Variants in ZNF254 observed in about 807,000 individuals in gnomAD.
The protein encoded by ZNF254 is zinc finger protein 254.
ZNF254 carries 10 observed loss-of-function variants against 12.4 expected under a neutral mutation model. That is an observed-to-expected ratio of 0.80 (90% CI 0.50 to 1.36). ZNF254 has a LOEUF of 1.36. Among genes scored for constraint, ZNF254 ranks in the 40% most tolerant of loss-of-function variants. The probability of loss-of-function intolerance (pLI) is 0.00; values close to 1 mark genes in which losing one functional copy is unlikely to be tolerated. For missense variants in ZNF254, 996 were observed against 763.9 expected, an observed-to-expected ratio of 1.30 and a Z score of -3.58; for synonymous variants, 305 against 253.4, an observed-to-expected ratio of 1.20 and a Z score of -1.93.
intron 2 of ZNF254, among the ~76,000 whole-genome samples, chr19:24,062,137 T>A (rs1179898854): frequency 6.6e-6 from 1 of 151,288 alleles, no homozygotes; most frequent in Admixed American, 6.6e-5. Flanking sequence ...TGGTGGTCTC[T>A]CTGTATGAAG....
intron 2 of ZNF254, chr19:24,064,726 C>T (rs1169678886): frequency 1.3e-5 from 2 of 152,106 alleles, no homozygotes; most frequent in African/African-American, 4.8e-5. Flanking sequence ...GGGGTTTCTT[C>T]ATGTTGGTCA....
At chr19:24,087,906 G>GTTTTTTTTTTTTTTTTTTTT (rs766484656) in intron 1 of ZNF254, among the ~76,000 whole-genome samples, 3 of 126,362 alleles carry the variant, frequency 2.4e-5, no homozygotes, top group Non-Finnish European at 4.9e-5. Flanking sequence ...CTAGGTTGTC[G>GTTTTTTTTTTTTTTTTTTTT]TTTTTTTTTT....
rs145474972 is a variant in ZNF254 at position 24,087,327 on chromosome 19, G to A, written c.20G>A (p.Ser7Asn). MPGPPR[S>N]LEMGLLTFRD... ...GCTAAGATGCCAGGACCCCCTAGAAGCCTAGAAATGGTGAGAATGCCAGTC... is the reference window on the plus strand; with the variant it reads ...GCTAAGATGCCAGGACCCCCTAGAAACCTAGAAATGGTGAGAATGCCAGTC... Residue 7 changes from serine (S) to asparagine (N), a missense_variant, in exon 1 of 4, where the codon AGC becomes AAC. Ser to Asn is a conservative substitution (Grantham distance 46). Transcript: ENST00000357002. 17 of 1,613,594 alleles carry A rather than the reference G, an allele frequency of 1.1e-5. No homozygotes were observed. The highest frequency in any genetic ancestry group is 1.4e-5 in the Non-Finnish European group (16 of 1,179,760).
chr19:24,096,904 AGT>A (rs887030000), intron 1 of ZNF254, among the ~76,000 whole-genome samples: 1 of 152,344 alleles, frequency 6.6e-6, no homozygotes, highest in African/African-American at 2.4e-5. Flanking sequence ...GTGTGCACAC[AGT>A]GTGCAAAATT....
At chr19:24,093,374 A>G (rs747336857) in intron 1 of ZNF254, among the ~76,000 whole-genome samples, 3 of 152,088 alleles carry the variant, frequency 2.0e-5, no homozygotes, top group East Asian at 1.9e-4. Flanking sequence ...GCTAGATTCT[A>G]TGTCTAGAAT....
intron 3 of ZNF254, among the ~76,000 whole-genome samples, chr19:24,124,856 C>T (rs1053105343): frequency 3.3e-5 from 5 of 151,958 alleles, no homozygotes; most frequent in Admixed American, 2.6e-4. Context: ...TCACTGCAAG[C>T]TCCACTTCCT....
intron 2 of ZNF254, chr19:24,065,952 A>T (rs1055031711): frequency 6.6e-6 from 1 of 151,766 alleles, no homozygotes; most frequent in Non-Finnish European, 1.5e-5. Flanking sequence ...CTCCTGCCTG[A>T]TCTCTGCTCA....
At position 24,128,150 on chromosome 19, in the gene ZNF254, G is replaced by C; in HGVS notation, c.*170G>C. 1 of 654,954 alleles carries C rather than the reference G, an allele frequency of 1.5e-6. No homozygotes were observed. The highest frequency in any genetic ancestry group is 2.3e-6 in the Non-Finnish European group (1 of 435,116). 40.6% of individuals were successfully genotyped at this position (654,954 alleles called of 1,614,324 possible). On this transcript the variant is annotated 3_prime_UTR_variant, in exon 4 of 4. Coordinates refer to ENST00000357002, the MANE Select transcript of ZNF254 (RefSeq NM_203282.4). The stretch of plus-strand genomic sequence containing the variant: ...CTAGAAATGTGAAGAATGTGAAAAA[G>C]CCTTTAAATGATTGTCACACTTGAT...
intron 3 of ZNF254, among the ~76,000 whole-genome samples, chr19:24,117,675 G>A (rs116348064): frequency 1.2e-3 from 190 of 152,018 alleles, no homozygotes; most frequent in African/African-American, 4.1e-3. Context: ...GCCCTGCTTC[G>A]GCTCTTCCAC....
intron 3 of ZNF254, among the ~76,000 whole-genome samples, chr19:24,110,390 C>T (rs1486062815): frequency 1.3e-5 from 2 of 151,766 alleles, no homozygotes; most frequent in Non-Finnish European, 2.9e-5. Context: ...TGGAGACACC[C>T]TCTCTACAAA....
chr19:24,061,240 C>T (rs67379707), intron 2 of ZNF254, among the ~76,000 whole-genome samples: 22,687 of 151,374 alleles, frequency 0.15, 1,951 homozygotes, highest in Middle Eastern at 0.23. Flanking sequence ...ATCACCTAAC[C>T]GATGTGACTC....
intron 2 of ZNF254, among the ~76,000 whole-genome samples, chr19:24,056,721 C>G (rs1317405200): frequency 6.6e-6 from 1 of 152,170 alleles, no homozygotes; most frequent in Non-Finnish European, 1.5e-5. Context: ...ATGTGTTTCT[C>G]CTGCCTGAGC....
intron 2 of ZNF254, among the ~76,000 whole-genome samples, chr19:24,077,320 A>G (rs1971693404): frequency 6.6e-6 from 1 of 152,240 alleles, no homozygotes. Flanking sequence ...TGTCATCAGG[A>G]CCTCCTGAGG....
chr19:24,040,839 T>G (rs1388289408), intron 1 of ZNF254, among the ~76,000 whole-genome samples: 1 of 152,240 alleles, frequency 6.6e-6, no homozygotes, highest in Non-Finnish European at 1.5e-5. Flanking sequence ...TGACTTGTGG[T>G]CTTCACTGTA....
At chr19:24,085,408 G>GTATATATATATATATA (rs377541868), upstream of ZNF254, among the ~76,000 whole-genome samples, 93 of 32,706 alleles carry the variant, frequency 2.8e-3, 9 homozygotes, top group Admixed American at 7.9e-3. Context: ...TTTGTTAAGG[G>GTATATATATATATATA]TATATATATA....
At chr19:24,097,017 A>G (rs1031386159) in intron 1 of ZNF254, among the ~76,000 whole-genome samples, 1 of 152,236 alleles carries the variant, frequency 6.6e-6, no homozygotes, top group Non-Finnish European at 1.5e-5. Flanking sequence ...ATAAGAGAAA[A>G]TATCTTACTA....
rs747875380 is a variant in ZNF254, at chr19:24,033,587, C to G, written c.-224C>G. On this transcript the variant is annotated 5_prime_UTR_variant, in exon 1 of 5. Transcript: ENST00000613065. ...TCTGCAGGTCCGGAGAGACGCACAG[C>G]TAAGATGTCAGGACATCCTGGAAGC... 48 of 399,336 alleles carry G rather than the reference C, an allele frequency of 1.2e-4. No individual in the cohort carries two copies. The highest frequency in any genetic ancestry group is 1.9e-4 in the Non-Finnish European group (39 of 200,294). 24.7% of individuals were successfully genotyped at this position (399,336 alleles called of 1,614,324 possible).
intron 2 of ZNF254, among the ~76,000 whole-genome samples, chr19:24,064,931 A>G (rs1599627921): frequency 6.6e-6 from 1 of 152,138 alleles, no homozygotes; most frequent in East Asian, 1.9e-4. Context: ...TTCATTCATT[A>G]TCTTGGCGAT....
intron 1 of ZNF254, among the ~76,000 whole-genome samples, chr19:24,091,188 G>A (rs1007630541): frequency 2.0e-5 from 3 of 151,470 alleles, no homozygotes; most frequent in East Asian, 3.9e-4. Flanking sequence ...CGGGTGATCC[G>A]CCCGCCTGGG....
Sources: gnomAD v4.1 joint callset for allele counts (sites outside exome capture counted in the v4.1 genomes callset) on GRCh38, gnomAD v4.1.1 for gene constraint, MANE v1.5 for transcripts, NCBI Gene and HGNC (gene_info 2026-07-23, HGNC 2026-07-21) for gene names.